The following ETV5 variants were observed in gnomAD, a reference collection of about 807,000 sequenced individuals.
ETV5 encodes the protein ETS translocation variant 5.
In ETV5, 10 loss-of-function variants were observed where a neutral mutation model predicts 70.0. The ratio of observed to expected loss-of-function variants is 0.14; its 90% CI spans 0.09 to 0.24. The LOEUF is 0.24. ETV5 is among the 10% of genes least tolerant of loss of function. The pLI is 1.00. For missense variants in ETV5, 453 were observed against 651.2 expected (o/e 0.70, Z 3.31); for synonymous variants, 216 against 242.2 (o/e 0.89, Z 1.01).
At chr3:186,051,308 C>T (rs1713023667) in intron 12 of ETV5, among the ~76,000 whole-genome samples, 1 of 152,214 alleles carries the variant, frequency 6.6e-6, no homozygotes, top group Non-Finnish European at 1.5e-5. Context: ...TAGACTGGCT[C>T]AATGTGTAAA....
At chr3:186,067,220 G>T (rs1222706517) in intron 7 of ETV5, among the ~76,000 whole-genome samples, 1 of 152,190 alleles carries the variant, frequency 6.6e-6, no homozygotes, top group Non-Finnish European at 1.5e-5. Context: ...GGATCACGAG[G>T]TCAAGAGATT....
rs557148325 is a variant in ETV5 at position 186,081,067 on chromosome 3, T to C, written c.341A>G (p.Glu114Gly). Residue 114 changes from glutamate (E) to glycine (G), a missense_variant, in exon 6 of 13, where the codon GAA (glutamate) becomes GGA (glycine). Around this residue, in one of 4 missense-constraint regions of ETV5, gnomAD observed 307 missense variants for 344.9 expected, o/e 0.89. Coordinates refer to ENST00000306376, the MANE Select transcript of ETV5 (RefSeq NM_004454.3). The stretch of plus-strand genomic sequence containing the variant: ...TCACCAATAGTTGTAGAGGCACTTT[T>C]CTCCATAGTTAGCACCAAGAGCCTG... The part of the protein sequence containing the change: ...HEQALGANYG[E>G]KCLYNYCAYD... 1 of 1,612,970 alleles carries C rather than the reference T, an allele frequency of 6.2e-7. No homozygotes were observed. Among genetic ancestry groups the C allele is most frequent in the East Asian group, 2.2e-5 (1 of 44,808 alleles).
chr3:186,055,028 G>A (rs555329695), intron 11 of ETV5, among the ~76,000 whole-genome samples: 2 of 152,290 alleles, frequency 1.3e-5, no homozygotes, highest in Admixed American at 1.3e-4. Flanking sequence ...TTGGCTGCCT[G>A]GCATTTACGA....
At chr3:186,055,328 C>T (rs1713131190) in intron 11 of ETV5, among the ~76,000 whole-genome samples, 2 of 152,186 alleles carry the variant, frequency 1.3e-5, no homozygotes, top group Admixed American at 6.5e-5. Context: ...ATGCTTTTCT[C>T]AAACTTCACA....
intron 1 of ETV5, chr3:186,108,408 G>A (rs760881343): frequency 3.6e-6 from 3 of 828,820 alleles, no homozygotes; most frequent in South Asian, 2.8e-5. Context: ...AAACTTGCAA[G>A]GCCTGCGTAA....
At chr3:186,071,556 GTATGT>G (rs1713635676) in intron 7 of ETV5, among the ~76,000 whole-genome samples, 2 of 152,196 alleles carry the variant, frequency 1.3e-5, no homozygotes, top group African/African-American at 4.8e-5. Flanking sequence ...GTAAGATAAT[GTATGT>G]TATAAGGCCC....
intron 7 of ETV5, among the ~76,000 whole-genome samples, chr3:186,070,784 C>T (rs959555098): frequency 6.6e-6 from 1 of 152,204 alleles, no homozygotes; most frequent in East Asian, 1.9e-4. Flanking sequence ...ATACATAATA[C>T]AGCTACAACA....
At chr3:186,107,825 C>T (rs540563675) in intron 1 of ETV5, among the ~76,000 whole-genome samples, 1 of 152,176 alleles carries the variant, frequency 6.6e-6, no homozygotes, top group Admixed American at 6.5e-5. Context: ...ATCTCTAGCG[C>T]TGGGCCCCAT....
chr3:186,053,204 C>G (rs1197116692), intron 11 of ETV5, among the ~76,000 whole-genome samples: 1 of 152,148 alleles, frequency 6.6e-6, no homozygotes, highest in African/African-American at 2.4e-5. Flanking sequence ...CAGGCTCAAG[C>G]GATTCTCCTG....
chr3:186,049,307 G>A (rs981434663), intron 12 of ETV5, among the ~76,000 whole-genome samples: 7 of 152,190 alleles, frequency 4.6e-5, no homozygotes, highest in Admixed American at 3.3e-4. Context: ...GCGAGCCTGC[G>A]CAGAAGCCTT....
At chr3:186,079,241 C>A (rs1249388512) in intron 7 of ETV5, 2 of 293,772 alleles carry the variant, frequency 6.8e-6, no homozygotes, top group Non-Finnish European at 5.7e-6. Flanking sequence ...ATGAATGACT[C>A]TGGACAAGTT....
intron 5 of ETV5, among the ~76,000 whole-genome samples, chr3:186,090,441 CA>C (rs761404144): frequency 1.3e-5 from 2 of 152,174 alleles, no homozygotes; most frequent in African/African-American, 2.4e-5. Context: ...AAAAAGATAG[CA>C]GTTACACAAA....
rs1578533150 is a variant in ETV5, at chr3:186,048,587, C to T, written c.*52G>A. 5.9e-6 allele frequency: 9 copies of T among 1,519,130 alleles called. No individual in the cohort carries two copies. The highest frequency in any genetic ancestry group is 5.6e-5 in the South Asian group (5 of 88,604). The allele number at this position is 1,519,130 out of a possible 1,614,324, so 94.1% of individuals were successfully genotyped here. A position where few individuals can be genotyped will look rare whatever the true frequency, so the allele number is the denominator to read the frequency against. On this transcript the variant is annotated 3_prime_UTR_variant, in exon 13 of 13. Coordinates refer to ENST00000306376, the MANE Select transcript of ETV5 (RefSeq NM_004454.3). The stretch of plus-strand genomic sequence containing the variant: ...CAAACAAAACCACTGCCCTTGTTTG[C>T]CTGAATGGGAACTGCTAGCTCTAGG...
intron 7 of ETV5, among the ~76,000 whole-genome samples, chr3:186,069,711 G>C (rs1190216865): frequency 2.6e-5 from 4 of 152,094 alleles, no homozygotes; most frequent in Non-Finnish European, 5.9e-5. Context: ...TGGCCAGGCT[G>C]GTCTTGAACT....
intron 5 of ETV5, among the ~76,000 whole-genome samples, chr3:186,102,308 G>T (rs1159985714): frequency 6.6e-6 from 1 of 151,928 alleles, no homozygotes; most frequent in African/African-American, 2.4e-5. Flanking sequence ...TTATTAATAG[G>T]AAAGTGTATT....
At chr3:186,059,848 T>A (rs1027767163) in intron 9 of ETV5, among the ~76,000 whole-genome samples, 1 of 152,218 alleles carries the variant, frequency 6.6e-6, no homozygotes, top group Non-Finnish European at 1.5e-5. Context: ...TTTGAATAAA[T>A]GAGAAGTTTT....
intron 5 of ETV5, among the ~76,000 whole-genome samples, chr3:186,088,409 G>A (rs550080281): frequency 9.8e-5 from 15 of 152,290 alleles, no homozygotes; most frequent in East Asian, 5.8e-4. Context: ...CAGGGTTCCA[G>A]AGCCATCATC....
chr3:186,085,259 A>T (rs1368038217), intron 5 of ETV5, among the ~76,000 whole-genome samples: 1 of 152,178 alleles, frequency 6.6e-6, no homozygotes, highest in Non-Finnish European at 1.5e-5. Context: ...CAAAGAGAGA[A>T]TAAAAGATAA....
At chr3:186,072,516 T>C (rs1458599636) in intron 7 of ETV5, among the ~76,000 whole-genome samples, 1 of 152,170 alleles carries the variant, frequency 6.6e-6, no homozygotes, top group African/African-American at 2.4e-5. Flanking sequence ...AGAAAGAGAA[T>C]GCTGATTTTT....
Sources: allele counts gnomAD v4.1 joint callset (sites outside exome capture counted in the v4.1 genomes callset), GRCh38; gene constraint gnomAD v4.1.1; regional missense constraint gnomAD v4.1.1; transcripts MANE v1.5; gene names NCBI Gene and HGNC (gene_info 2026-07-23, HGNC 2026-07-21).